TLN2: variants seen among roughly 807,000 people sequenced by gnomAD.
TLN2 encodes talin-2.
Under a neutral mutation model 294.7 loss-of-function variants are expected in TLN2, and 118 were observed. That is an observed-to-expected ratio of 0.40 (90% CI 0.34 to 0.47). The LOEUF (loss-of-function observed/expected upper bound fraction) is 0.47. Ranked by LOEUF, TLN2 falls within the 20% of genes least tolerant of loss-of-function variation. The pLI is 0.84. For synonymous variants in TLN2, 1,431 were observed against 1,304.5 expected, an observed-to-expected ratio of 1.10 and a Z score of -2.09; for missense variants, 3,083 against 3,282.2, an observed-to-expected ratio of 0.94 and a Z score of 1.48.
chr15:62,808,897 AG>A (rs1031830264), intron 51 of TLN2, among the ~76,000 whole-genome samples: 1 of 152,220 alleles, frequency 6.6e-6, no homozygotes, highest in Non-Finnish European at 1.5e-5. Context: ...GGGTAAGTCA[AG>A]GGGGGAGCCC....
At chr15:62,530,064 G>A (rs771588115) in intron 1 of TLN2, among the ~76,000 whole-genome samples, 3 of 152,066 alleles carry the variant, frequency 2.0e-5, no homozygotes, top group Non-Finnish European at 4.4e-5. Flanking sequence ...TGTGGCTTGC[G>A]CCTGTAGTCC....
intron 20 of TLN2, 55 bp downstream of exon 20, chr15:62,707,308 C>T: frequency 6.6e-7 from 1 of 1,516,986 alleles, no homozygotes. Context: ...CTGTTACCTG[C>T]CTCCAGGCAT....
intron 1 of TLN2, among the ~76,000 whole-genome samples, chr15:62,557,135 A>G (rs1427150970): frequency 6.6e-6 from 1 of 152,200 alleles, no homozygotes; most frequent in African/African-American, 2.4e-5. Flanking sequence ...CACTTTGAGC[A>G]AGGTGGTCTT....
intron 25 of TLN2, among the ~76,000 whole-genome samples, chr15:62,721,509 A>G (rs1335264477): frequency 6.6e-6 from 1 of 152,050 alleles, no homozygotes; most frequent in African/African-American, 2.4e-5. Context: ...AATATTCATT[A>G]ATTCTTTAAA....
intron 1 of TLN2, among the ~76,000 whole-genome samples, chr15:62,422,219 C>CAAA (rs386383227): frequency 0.021 from 1,181 of 55,084 alleles, 100 homozygotes; most frequent in African/African-American, 0.035. Context: ...AACTCTGTCT[C>CAAA]AAAAAAAAAA....
chr15:62,514,716 G>A (rs2040100349), intron 1 of TLN2, among the ~76,000 whole-genome samples: 1 of 152,174 alleles, frequency 6.6e-6, no homozygotes, highest in Non-Finnish European at 1.5e-5. Context: ...TTCGAGAGTG[G>A]TAAATTGCAT....
chr15:62,815,450 A>C (rs996564547), intron 52 of TLN2, among the ~76,000 whole-genome samples: 2 of 152,236 alleles, frequency 1.3e-5, no homozygotes, highest in African/African-American at 4.8e-5. Context: ...GAAAGGTCAG[A>C]TAATTGTTCA....
chr15:62,710,720 CTTTTTTTTTTTTTT>C (rs71287048), intron 21 of TLN2, among the ~76,000 whole-genome samples: 1,464 of 77,184 alleles, frequency 0.019, 51 homozygotes, highest in African/African-American at 0.064. Context: ...TGCTGATGTC[CTTTTTTTTTTTTTT>C]TTTTTTTTTT....
chr15:62,677,288 G>C (rs1420440353), intron 11 of TLN2, among the ~76,000 whole-genome samples: 1 of 152,138 alleles, frequency 6.6e-6, no homozygotes, highest in African/African-American at 2.4e-5. Flanking sequence ...TTATTTTCTT[G>C]AGTTTCCCTG....
chr15:62,628,728 T>G (rs557028609), intron 3 of TLN2, among the ~76,000 whole-genome samples: 60 of 152,250 alleles, frequency 3.9e-4, no homozygotes, highest in Non-Finnish European at 7.9e-4. Flanking sequence ...CAGACAGTCC[T>G]GGCAACCTTA....
At chr15:62,452,679 T>C (rs1336050136) in intron 1 of TLN2, among the ~76,000 whole-genome samples, 1 of 152,206 alleles carries the variant, frequency 6.6e-6, no homozygotes, top group African/African-American at 2.4e-5. Flanking sequence ...CCTCAATCAG[T>C]GGAATCATAC....
chr15:62,833,903 C>G (rs545524065), intron 55 of TLN2: 1 of 353,642 alleles, frequency 2.8e-6, no homozygotes, highest in African/African-American at 2.1e-5. Context: ...TTTATATTCC[C>G]ACTGTACATT....
At chr15:62,805,513 C>A in intron 50 of TLN2, 87 bp from the exon 51 acceptor site, 1 of 1,382,548 alleles carries the variant, frequency 7.2e-7, no homozygotes, top group East Asian at 2.5e-5. Context: ...AGTTTTCAGA[C>A]ACAAGCTACA....
At chr15:62,445,950 C>T (rs2035799667) in intron 1 of TLN2, among the ~76,000 whole-genome samples, 1 of 151,704 alleles carries the variant, frequency 6.6e-6, no homozygotes, top group South Asian at 2.1e-4. Flanking sequence ...CGCCTACTGG[C>T]CCTTTCTTGA....
chr15:62,737,087 G>A lies in TLN2; in HGVS notation c.3567+1G>A. The stretch of plus-strand genomic sequence containing the variant: ...AGAGCGTCAACAAAGACTGGCTCAG[G>A]TGAGGCTAGGAATGAGAAATTGTGG... On this transcript the variant is annotated splice_donor_variant, in intron 29 of 58. Coordinates refer to ENST00000636159, the MANE Select transcript of TLN2 (RefSeq NM_015059.3). LOFTEE classifies it high-confidence loss of function. 1 of 1,614,108 alleles carries A rather than the reference G, an allele frequency of 6.2e-7. No individual in the cohort carries two copies. Among genetic ancestry groups the A allele is most frequent in the Non-Finnish European group, 8.5e-7 (1 of 1,179,988 alleles).
chr15:62,667,213 G>A (rs193009617), intron 9 of TLN2, among the ~76,000 whole-genome samples: 6,446 of 152,166 alleles, frequency 0.042, 177 homozygotes, highest in African/African-American at 0.068. Flanking sequence ...TGATCCGCCC[G>A]CCTTGGCCTC....
Position 62,694,852 on chromosome 15 carries a change from G to A in TLN2, c.1292+460G>A, listed in dbSNP as rs113418292. ...CTCGAGTGCTGTGAGGTAGCATAGTGCAGGCGAGTGGTTAAGAATATGGAC... is the reference window on the plus strand; with the variant it reads ...CTCGAGTGCTGTGAGGTAGCATAGTACAGGCGAGTGGTTAAGAATATGGAC... On this transcript the variant is annotated intron_variant, in intron 14 of 58. Transcript: ENST00000636159. Among the ~76,000 whole-genome samples, 3 of 152,320 alleles carry A rather than the reference G, an allele frequency of 2.0e-5. 1 individual carries two copies. The highest frequency in any genetic ancestry group is 7.2e-5 in the African/African-American group (3 of 41,564).
intron 47 of TLN2, among the ~76,000 whole-genome samples, chr15:62,796,639 C>A (rs554207313): frequency 6.6e-6 from 1 of 152,112 alleles, no homozygotes; most frequent in Non-Finnish European, 1.5e-5. Flanking sequence ...TTCGCTTAAA[C>A]CCTGTTTTGG....
At chr15:62,610,933 A>G (rs2047861303) in intron 2 of TLN2, among the ~76,000 whole-genome samples, 1 of 152,136 alleles carries the variant, frequency 6.6e-6, no homozygotes. Flanking sequence ...TTCAGATTCC[A>G]GCTTAACACA....
Sources: allele counts gnomAD v4.1 joint callset (sites outside exome capture counted in the v4.1 genomes callset), GRCh38; gene constraint gnomAD v4.1.1; transcripts MANE v1.5; gene names NCBI Gene and HGNC (gene_info 2026-07-23, HGNC 2026-07-21).